The following DUS2 variants were observed in gnomAD, a reference collection of about 807,000 sequenced individuals.
DUS2 encodes the protein dihydrouridine synthase 2.
In DUS2, 52 loss-of-function variants were observed where a neutral mutation model predicts 71.3. That is an observed-to-expected ratio of 0.73 (90% CI 0.58 to 0.92). DUS2 has a LOEUF of 0.92. Ranked by LOEUF, DUS2 falls within the 40% of genes least tolerant of loss-of-function variation. DUS2 has a pLI of 0.00. For missense variants in DUS2, 558 were observed against 622.6 expected (o/e 0.90, Z 1.10); for synonymous variants, 204 against 227.8 (o/e 0.90, Z 0.94).
intron 3 of DUS2, among the ~76,000 whole-genome samples, chr16:68,044,395 T>C (rs1567473062): frequency 6.6e-6 from 1 of 151,086 alleles, no homozygotes; most frequent in East Asian, 1.9e-4. Flanking sequence ...TTCTTTAATT[T>C]CTTTTTTTTT....
chr16:68,040,874 CAA>C (rs1421496153), intron 3 of DUS2, among the ~76,000 whole-genome samples: 4 of 152,074 alleles, frequency 2.6e-5, no homozygotes, highest in Non-Finnish European at 4.4e-5. Flanking sequence ...ATTAGATAAT[CAA>C]ATGACCTCAC....
rs1006547812 is a variant in DUS2 at position 68,023,470 on chromosome 16, A to G, written c.-99+119A>G. Reference sequence around the variant, plus strand: ...GAGGCGGCAGTGGGGCCTTGACCCAATGGACCATGAGGGCGGAGGGCTTCT... The same window carrying G: ...GAGGCGGCAGTGGGGCCTTGACCCAGTGGACCATGAGGGCGGAGGGCTTCT... On this transcript the variant is annotated intron_variant, in intron 1 of 16. Coordinates refer to ENST00000565263, the MANE Select transcript of DUS2 (RefSeq NM_017803.5). 4 of 501,726 alleles carry G rather than the reference A, an allele frequency of 8.0e-6. No homozygotes were observed. The East Asian group carries it at 1.4e-4, about 18-fold the overall frequency. The allele number at this position is 501,726 out of a possible 1,614,324, so 31.1% of individuals were successfully genotyped here. A position where few individuals can be genotyped will look rare whatever the true frequency, so the allele number is the denominator to read the frequency against.
intron 1 of DUS2, chr16:68,023,864 A>G (rs2033298842): frequency 6.0e-6 from 1 of 165,788 alleles, no homozygotes; most frequent in Non-Finnish European, 1.5e-5. Context: ...TTCACTCTCT[A>G]CTCCCTCGTC....
intron 2 of DUS2, among the ~76,000 whole-genome samples, chr16:68,026,539 GT>G (rs1454902553): frequency 6.6e-6 from 1 of 151,952 alleles, no homozygotes; most frequent in African/African-American, 2.4e-5. Context: ...CCTGCTCTTT[GT>G]TTTTTACCCT....
chr16:68,049,419 G>A (rs2151418490), intron 3 of DUS2, 86 bp from the exon 4 acceptor site: 2 of 1,428,950 alleles, frequency 1.4e-6, no homozygotes, highest in South Asian at 1.1e-5. Context: ...CTGGCCAAGC[G>A]ATCCTCATTA....
intron 4 of DUS2, among the ~76,000 whole-genome samples, chr16:68,052,806 C>T (rs1362214313): frequency 1.3e-5 from 2 of 151,692 alleles, no homozygotes; most frequent in Admixed American, 1.3e-4. Context: ...CCACGCCCAG[C>T]TAATTTTTGT....
chr16:68,076,560 T>A, intron 14 of DUS2, 72 bp from the exon 15 acceptor site: 1 of 1,176,168 alleles, frequency 8.5e-7, no homozygotes, highest in Non-Finnish European at 1.3e-6. Flanking sequence ...TTTCAGGAGC[T>A]GAGTAGTGCC....
At chr16:68,027,793 G>T (rs942713739) in intron 2 of DUS2, among the ~76,000 whole-genome samples, 5 of 151,408 alleles carry the variant, frequency 3.3e-5, no homozygotes, top group Non-Finnish European at 7.4e-5. Flanking sequence ...CCAGGAGGAG[G>T]TGATGAGGTT....
Position 68,056,380 on chromosome 16 carries a change from G to A in DUS2, c.325G>A (p.Gly109Ser), listed in dbSNP as rs1447669922. 1 of 1,613,462 alleles carries A rather than the reference G, an allele frequency of 6.2e-7. No individual in the cohort carries two copies. Among genetic ancestry groups the A allele is most frequent in the South Asian group, 1.1e-5 (1 of 90,992 alleles). ...VARLVENDVA[G>S]IDVNMGCPKQ... ...CTTTTCCAGAGAAAATGATGTGGCT[G>A]GTATTGATGTCAACATGGGCTGTCC... Residue 109 changes from glycine to serine, a missense_variant, in exon 7 of 17, where the codon GGT becomes AGT. Transcript: ENST00000565263.
intron 3 of DUS2, among the ~76,000 whole-genome samples, chr16:68,043,290 C>T (rs1001007843): frequency 1.3e-5 from 2 of 152,116 alleles, no homozygotes; most frequent in African/African-American, 4.8e-5. Context: ...TCTGTAATCC[C>T]AGCTACTGGG....
intron 5 of DUS2, 87 bp downstream of exon 5, chr16:68,053,742 A>T: frequency 2.2e-6 from 3 of 1,362,470 alleles, no homozygotes; most frequent in South Asian, 2.3e-5. Flanking sequence ...GCCAGTGTTG[A>T]ATACCTGGGG....
intron 7 of DUS2, among the ~76,000 whole-genome samples, chr16:68,058,711 G>C (rs2033896096): frequency 6.6e-6 from 1 of 152,138 alleles, no homozygotes; most frequent in African/African-American, 2.4e-5. Flanking sequence ...TAGTAACATT[G>C]ATTTCCTCTG....
intron 2 of DUS2, among the ~76,000 whole-genome samples, chr16:68,036,732 G>A (rs1221764387): frequency 1.3e-5 from 2 of 152,196 alleles, no homozygotes; most frequent in African/African-American, 2.4e-5. Context: ...GAGCCACTGC[G>A]CCTGACCACA....
chr16:68,047,329 C>T (rs2033718508), intron 3 of DUS2, among the ~76,000 whole-genome samples: 1 of 151,968 alleles, frequency 6.6e-6, no homozygotes, highest in South Asian at 2.1e-4. Context: ...GCTGGGATTA[C>T]AGGCGTGAGC....
chr16:68,048,806 G>A (rs2033739398), intron 3 of DUS2, among the ~76,000 whole-genome samples: 1 of 152,094 alleles, frequency 6.6e-6, no homozygotes, highest in Admixed American at 6.5e-5. Context: ...ATGAACTTCT[G>A]GGCAGTGTGA....
At chr16:68,048,839 G>A (rs1247597372) in intron 3 of DUS2, among the ~76,000 whole-genome samples, 1 of 152,142 alleles carries the variant, frequency 6.6e-6, no homozygotes, top group African/African-American at 2.4e-5. Flanking sequence ...GAACAAAGCA[G>A]AACAGTCTTG....
chr16:68,054,544 A>G, intron 5 of DUS2, 30 bp from the exon 6 acceptor site: 1 of 1,613,926 alleles, frequency 6.2e-7, no homozygotes, highest in Non-Finnish European at 8.5e-7. Flanking sequence ...GTGTCAGGGC[A>G]GTGGTTGATG....
chr16:68,046,239 A>T (rs191613120), intron 3 of DUS2, among the ~76,000 whole-genome samples: 2 of 152,048 alleles, frequency 1.3e-5, no homozygotes, highest in Admixed American at 6.6e-5. Context: ...TGTTGTTCCC[A>T]TGTTTATGTT....
chr16:68,057,150 T>C (rs2033870485), intron 7 of DUS2, among the ~76,000 whole-genome samples: 1 of 141,200 alleles, frequency 7.1e-6, no homozygotes, highest in African/African-American at 2.6e-5. Flanking sequence ...TATATAAATA[T>C]ATAATATATG....
Sources: gnomAD v4.1 joint callset for allele counts (sites outside exome capture counted in the v4.1 genomes callset) on GRCh38, gnomAD v4.1.1 for gene constraint, MANE v1.5 for transcripts, NCBI Gene and HGNC (gene_info 2026-07-23, HGNC 2026-07-21) for gene names.